Variants in TAOK1 observed in about 807,000 individuals in gnomAD.
TAOK1 encodes serine/threonine-protein kinase TAO1.
A neutral mutation model predicts 138.3 loss-of-function variants in TAOK1; 21 were observed. That is an observed-to-expected ratio of 0.15 (90% confidence interval 0.11 to 0.22). TAOK1 has a LOEUF of 0.22. Among genes scored for constraint, TAOK1 ranks in the 10% least tolerant of loss-of-function variants. The pLI is 1.00. For synonymous variants in TAOK1, 361 were observed against 398.4 expected (o/e 0.91, Z 1.12); for missense variants, 651 against 1,227.7 (o/e 0.53, Z 7.02).
At chr17:29,417,443 GTTTC>G (rs1256980170) in intron 1 of TAOK1, among the ~76,000 whole-genome samples, 1 of 151,976 alleles carries the variant, frequency 6.6e-6, no homozygotes, top group Non-Finnish European at 1.5e-5. Context: ...ATGGCTTTTT[GTTTC>G]TTTCCACAAA....
chr17:29,459,475 C>T (rs1227535949), intron 2 of TAOK1, among the ~76,000 whole-genome samples: 3 of 151,664 alleles, frequency 2.0e-5, no homozygotes, highest in East Asian at 1.9e-4. Context: ...TTAGTAGAAA[C>T]GGGATTTCAC....
At chr17:29,392,452 C>T (rs1335402211) in intron 1 of TAOK1, among the ~76,000 whole-genome samples, 2 of 152,082 alleles carry the variant, frequency 1.3e-5, no homozygotes, top group Admixed American at 1.3e-4. Flanking sequence ...CTTTTGCTAC[C>T]TGTCATGTTT....
At chr17:29,506,896 A>G (rs1006099291) in intron 13 of TAOK1, among the ~76,000 whole-genome samples, 21 of 152,234 alleles carry the variant, frequency 1.4e-4, no homozygotes, top group Non-Finnish European at 4.4e-5. Context: ...CTATATATGT[A>G]CAGTGGAATT....
At chr17:29,491,349 C>T (rs576148342) in intron 9 of TAOK1, among the ~76,000 whole-genome samples, 1 of 152,046 alleles carries the variant, frequency 6.6e-6, no homozygotes, top group African/African-American at 2.4e-5. Flanking sequence ...ACACTCTCTC[C>T]AGAGCAGATA....
At chr17:29,482,369 TA>T in intron 8 of TAOK1, 81 bp downstream of exon 8, 1 of 1,100,222 alleles carries the variant, frequency 9.1e-7, no homozygotes, top group South Asian at 1.4e-5. Context: ...ATAAAAATTA[TA>T]GATTTTTATC....
chr17:29,503,392 T>C (rs1270253196), intron 13 of TAOK1, among the ~76,000 whole-genome samples: 1 of 53,020 alleles, frequency 1.9e-5, no homozygotes, highest in African/African-American at 8.3e-5. Flanking sequence ...CAAGACTCTG[T>C]CTCAAAAAAA....
At chr17:29,516,323 G>A (rs2031813566) in intron 15 of TAOK1, among the ~76,000 whole-genome samples, 1 of 151,552 alleles carries the variant, frequency 6.6e-6, no homozygotes, top group Admixed American at 6.6e-5. Flanking sequence ...AATTTTTATG[G>A]GGTTTTCGTT....
chr17:29,548,081 G>A lies in TAOK1; in HGVS notation c.*5059G>A, dbSNP rs2032430249. The A allele has an allele frequency of 6.6e-6, 1 of 152,126 alleles. No individual in the cohort carries two copies. The highest frequency in any genetic ancestry group is 1.5e-5 in the Non-Finnish European group (1 of 68,000). The allele number at this position is 152,126 out of a possible 1,614,324, so 9.4% of individuals were successfully genotyped here. A position where few individuals can be genotyped will look rare whatever the true frequency, so the allele number is the denominator to read the frequency against. On this transcript the variant is annotated 3_prime_UTR_variant, in exon 20 of 20. Transcript: ENST00000261716. ...CCTTTATTGTGCATTTATATTTTCT[G>A]CTGAATTCCGGTAGTTCCCTTTAAA...
rs202106516 is a variant in TAOK1, at chr17:29,482,279, A to G, written c.646A>G (p.Ile216Val). 6 of 1,611,304 alleles carry G rather than the reference A, an allele frequency of 3.7e-6. No individual in the cohort carries two copies. Among genetic ancestry groups the G allele is most frequent in the African/African-American group, 1.3e-5 (1 of 74,998 alleles). The change falls in exon 8 of 20, where the codon ATT (isoleucine) becomes GTT (valine). Residue 216 changes from isoleucine to valine, a missense_variant. This residue lies in a region of TAOK1 where 20 missense variants were observed against 88.6 expected (regional missense o/e 0.23). Transcript: ENST00000261716. The part of the protein sequence containing the change: ...VDVWSLGITC[I>V]ELAERKPPLF... ...TGTGTGGTCTCTTGGAATAACATGTATTGAACTAGGTAAGCATTGTTCTTC... is the reference window on the plus strand; with the variant it reads ...TGTGTGGTCTCTTGGAATAACATGTGTTGAACTAGGTAAGCATTGTTCTTC...
intron 3 of TAOK1, 152 bp downstream of exon 3, chr17:29,467,368 A>C (rs2153025692): frequency 3.0e-6 from 1 of 333,432 alleles, no homozygotes; most frequent in Non-Finnish European, 5.4e-6. Context: ...CCGCCTCCCA[A>C]GTTCACGCCA....
intron 18 of TAOK1, among the ~76,000 whole-genome samples, chr17:29,531,152 A>G (rs993640591): frequency 1.3e-5 from 2 of 149,020 alleles, no homozygotes; most frequent in Admixed American, 6.7e-5. Flanking sequence ...TATTTTTAGT[A>G]GAGACGGGGT....
At chr17:29,428,129 A>T (rs1175083423) in intron 1 of TAOK1, among the ~76,000 whole-genome samples, 1 of 152,108 alleles carries the variant, frequency 6.6e-6, no homozygotes, top group East Asian at 1.9e-4. Context: ...CAAGATTCAG[A>T]ATTTCCAAAA....
At chr17:29,527,056 T>C (rs2032024123) in intron 17 of TAOK1, among the ~76,000 whole-genome samples, 1 of 150,074 alleles carries the variant, frequency 6.7e-6, no homozygotes, top group Non-Finnish European at 1.5e-5. Context: ...AACCACGGAG[T>C]CGGAGGTTGC....
intron 10 of TAOK1, 152 bp downstream of exon 10, chr17:29,492,017 C>T (rs925807165): frequency 1.8e-5 from 10 of 570,156 alleles, no homozygotes; most frequent in East Asian, 8.7e-5. Context: ...CCCAAGTAGC[C>T]GGGACTACAG....
intron 1 of TAOK1, among the ~76,000 whole-genome samples, chr17:29,412,466 G>A (rs981723972): frequency 4.2e-5 from 3 of 71,762 alleles, no homozygotes; most frequent in South Asian, 9.5e-4. Flanking sequence ...CCATGAAGTT[G>A]TCCCCAACTG....
At position 29,549,655 on chromosome 17, in the gene TAOK1, A is replaced by G. The variant is rs142659342; in HGVS notation, c.*6633A>G. 3 of 152,302 alleles carry G rather than the reference A, an allele frequency of 2.0e-5. No individual in the cohort carries two copies. The highest frequency in any genetic ancestry group is 6.5e-5 in the Admixed American group (1 of 15,294). The allele number at this position is 152,302 out of a possible 1,614,324, so 9.4% of individuals were successfully genotyped here. On this transcript the variant is annotated 3_prime_UTR_variant, in exon 20 of 20. Coordinates refer to ENST00000261716, the MANE Select transcript of TAOK1 (RefSeq NM_020791.4). Reference sequence around the variant, plus strand: ...AACATTTGCAGATTCTGGGTGGTCTATGTGACCATTTGTCTCGTATCCAAA... The same window carrying G: ...AACATTTGCAGATTCTGGGTGGTCTGTGTGACCATTTGTCTCGTATCCAAA...
At chr17:29,506,035 C>A (rs1280421716) in intron 13 of TAOK1, among the ~76,000 whole-genome samples, 1 of 152,160 alleles carries the variant, frequency 6.6e-6, no homozygotes, top group Non-Finnish European at 1.5e-5. Context: ...TTAGTATGGC[C>A]ATTTTGGAAA....
intron 15 of TAOK1, among the ~76,000 whole-genome samples, chr17:29,516,501 A>ATTTTT (rs36052568): frequency 1.6e-5 from 2 of 126,962 alleles, no homozygotes; most frequent in East Asian, 2.3e-4. Context: ...CACCTGGCTA[A>ATTTTT]TTTTTTTTTT....
chr17:29,465,051 C>T (rs1480425655), intron 2 of TAOK1, among the ~76,000 whole-genome samples: 1 of 150,900 alleles, frequency 6.6e-6, no homozygotes, highest in Non-Finnish European at 1.5e-5. Flanking sequence ...GAACTCCTGA[C>T]CTCAAGTGAT....
Sources: allele counts gnomAD v4.1 joint callset (sites outside exome capture counted in the v4.1 genomes callset), GRCh38; gene constraint gnomAD v4.1.1; regional missense constraint gnomAD v4.1.1; transcripts MANE v1.5; gene names NCBI Gene and HGNC (gene_info 2026-07-23, HGNC 2026-07-21).